The following RGSL1 variants were observed in gnomAD, a reference collection of about 807,000 sequenced individuals.
The protein encoded by RGSL1 is regulator of G protein signaling like 1.
Under a neutral mutation model 124.7 loss-of-function variants are expected in RGSL1, and 97 were observed. The ratio of observed to expected loss-of-function variants is 0.78; its 90% confidence interval spans 0.66 to 0.92. RGSL1 has a LOEUF of 0.92. Ranked by LOEUF, RGSL1 falls within the 40% of genes least tolerant of loss-of-function variation. The pLI, the probability that RGSL1 is intolerant of heterozygous loss-of-function variation, is 0.00. For synonymous variants in RGSL1, 424 were observed against 438.1 expected (o/e 0.97, Z 0.40); for missense variants, 1,233 against 1,288.4 (o/e 0.96, Z 0.66).
chr1:182,547,619 T>C (rs1184479430), intron 15 of RGSL1, among the ~76,000 whole-genome samples: 1 of 152,158 alleles, frequency 6.6e-6, no homozygotes, highest in Non-Finnish European at 1.5e-5. Context: ...CCCAGCACTT[T>C]GGGAGGCCGA....
intron 4 of RGSL1, among the ~76,000 whole-genome samples, chr1:182,468,525 C>T (rs1161988001): frequency 6.6e-6 from 1 of 152,076 alleles, no homozygotes; most frequent in Admixed American, 6.6e-5. Flanking sequence ...GGACAAAAAA[C>T]CAAACACCGC....
Position 182,474,150 on chromosome 1 carries a change from C to T in RGSL1, c.1039C>T (p.Pro347Ser), listed in dbSNP as rs1654086807. The change falls in exon 6 of 22, where the codon CCC becomes TCC. Residue 347 changes from proline to serine, a missense_variant. Pro to Ser is a moderately conservative substitution (Grantham distance 74). Transcript: ENST00000294854. ...CTCTACCCACCTGAGGACTGTCATC[C>T]CCATTGTCAATCACTCCTCCAAGAT... ...KVSTHLRTVIPIVNHSSKMTI... is the reference protein window; with the variant it reads ...KVSTHLRTVISIVNHSSKMTI... 6.4e-7 allele frequency: 1 copy of T among 1,552,034 alleles called. No individual in the cohort carries two copies.
In RGSL1 at chr1:182,532,706, C is replaced by T; in HGVS notation, c.2409C>T (p.Cys803=). 6.4e-7 allele frequency: 1 copy of T among 1,550,894 alleles called. No homozygotes were observed. Among genetic ancestry groups the T allele is most frequent in the Non-Finnish European group, 8.7e-7 (1 of 1,146,420 alleles). ...TGATCAGCTTTATCAGGAGTTTTTG[C>T]AAGTACCGCAGATTTATGTTGAATC... ...MRMISFIRSF[C]KYRRFMLNPS... The change falls in exon 14 of 22, where the codon TGC becomes TGT. Residue 803 remains cysteine (C), a synonymous_variant. Transcript: ENST00000294854.
intron 14 of RGSL1, among the ~76,000 whole-genome samples, chr1:182,535,812 T>C (rs753048404): frequency 1.3e-5 from 2 of 152,186 alleles, no homozygotes; most frequent in Non-Finnish European, 2.9e-5. Flanking sequence ...TACAATTTTA[T>C]ACAGTAAAAT....
Position 182,460,160 on chromosome 1 carries a change from C to CTGTGTG in RGSL1, c.301+47_301+52dup, listed in dbSNP as rs10572829. 5 of 1,430,178 alleles carry CTGTGTG rather than the reference C, an allele frequency of 3.5e-6. No individual in the cohort carries two copies. In the East Asian group the frequency reaches 8.2e-5, roughly 23 times the overall value. 88.6% of individuals were successfully genotyped at this position (1,430,178 alleles called of 1,614,324 possible). ...TAAGCATTGGTGTGCATGCGTGTGT[C>CTGTGTG]TGTGTGTGTGTGTGTGTGTGTGTGT... On this transcript the variant is annotated intron_variant, in intron 4 of 21. Coordinates refer to ENST00000294854, the MANE Select transcript of RGSL1 (RefSeq NM_001137669.2).
rs551187220 is a variant in RGSL1, at chr1:182,536,123, A to G, written c.2494+3332A>G. Among the ~76,000 whole-genome samples, 13 of 152,332 alleles carry G rather than the reference A, an allele frequency of 8.5e-5. No individual in the cohort carries two copies. The East Asian group carries it at 2.5e-3, about 29-fold the overall frequency. On this transcript the variant is annotated intron_variant, in intron 14 of 21. Transcript: ENST00000294854. ...TTGAGATTCGTCTATGCTATTGCAT[A>G]TATCAGTAACTCATTCCTTTTTATT...
At chr1:182,458,428 G>T (rs1314782099) in intron 3 of RGSL1, 35 bp downstream of exon 3, 1 of 1,462,552 alleles carries the variant, frequency 6.8e-7, no homozygotes, top group African/African-American at 1.4e-5. Context: ...AGAGTTTAGG[G>T]TGGAGAATGA....
intron 14 of RGSL1, among the ~76,000 whole-genome samples, chr1:182,535,858 G>A (rs961891132): frequency 5.3e-5 from 8 of 152,092 alleles, no homozygotes; most frequent in Admixed American, 3.3e-4. Flanking sequence ...ATGAATGTAA[G>A]TATCTCTGCC....
At chr1:182,538,611 C>T (rs1305074331) in intron 14 of RGSL1, among the ~76,000 whole-genome samples, 1 of 151,828 alleles carries the variant, frequency 6.6e-6, no homozygotes, top group Non-Finnish European at 1.5e-5. Flanking sequence ...ATATACTACA[C>T]AAAAGCAAAA....
intron 9 of RGSL1, among the ~76,000 whole-genome samples, chr1:182,504,083 C>T (rs149606662): frequency 6.0e-5 from 9 of 150,030 alleles, no homozygotes; most frequent in African/African-American, 2.0e-4. Flanking sequence ...CGGGTTCAAG[C>T]GATTCCCCTG....
intron 4 of RGSL1, chr1:182,460,620 A>G (rs768786158): frequency 6.6e-6 from 3 of 455,522 alleles, no homozygotes; most frequent in South Asian, 1.6e-5. Flanking sequence ...TCTCTTCCTC[A>G]TAGAAGCCAG....
chr1:182,494,499 T>C (rs1262800290), intron 9 of RGSL1, among the ~76,000 whole-genome samples: 1 of 152,222 alleles, frequency 6.6e-6, no homozygotes, highest in Non-Finnish European at 1.5e-5. Context: ...TTTAGCTTTT[T>C]CAATGTGACT....
At chr1:182,518,534 G>A (rs149192954) in intron 9 of RGSL1, among the ~76,000 whole-genome samples, 9 of 152,226 alleles carry the variant, frequency 5.9e-5, no homozygotes, top group African/African-American at 9.6e-5. Context: ...CCACTTACCC[G>A]CTTTGCCTCT....
rs7535533 is a variant in RGSL1, at chr1:182,527,694, A to G, written c.2047A>G (p.Ile683Val). Residue 683 changes from isoleucine to valine, a missense_variant, in exon 11 of 22, where the codon ATA becomes GTA. Transcript: ENST00000294854. ...QFLTAVQKIS[I>V]ETNEKICKSL... ...TCTCACAGCTGTACAGAAGATCAGT[A>G]TAGAGACCAATGAAAAGATTTGCAA... The G allele has an allele frequency of 0.35, 547,254 of 1,550,446 alleles. 98,957 individuals are homozygous for G. Among genetic ancestry groups the G allele is most frequent in the East Asian group, 0.42 (17,339 of 40,886 alleles).
intron 1 of RGSL1, among the ~76,000 whole-genome samples, chr1:182,451,903 T>G (rs1302670390): frequency 6.6e-6 from 1 of 151,508 alleles, no homozygotes; most frequent in Non-Finnish European, 1.5e-5. Flanking sequence ...GAAGACAGAT[T>G]CCAGAGATAG....
At chr1:182,494,060 G>T (rs1471690655) in intron 9 of RGSL1, among the ~76,000 whole-genome samples, 2 of 152,038 alleles carry the variant, frequency 1.3e-5, no homozygotes, top group South Asian at 4.2e-4. Flanking sequence ...TAGCACCTCT[G>T]CTGGTCTTGG....
At chr1:182,554,220 T>C (rs1397375466) in intron 19 of RGSL1, among the ~76,000 whole-genome samples, 1 of 152,208 alleles carries the variant, frequency 6.6e-6, no homozygotes, top group Non-Finnish European at 1.5e-5. Context: ...AATGCCAGCA[T>C]ACCTGACCTG....
intron 5 of RGSL1, 107 bp downstream of exon 5, chr1:182,472,664 C>A: frequency 1.7e-6 from 2 of 1,201,638 alleles, no homozygotes; most frequent in Non-Finnish European, 1.1e-6. Flanking sequence ...TTCTTTCCAT[C>A]TTCTATGTAT....
At chr1:182,470,497 G>C (rs115167232) in intron 4 of RGSL1, among the ~76,000 whole-genome samples, 1 of 151,546 alleles carries the variant, frequency 6.6e-6, no homozygotes, top group Non-Finnish European at 1.5e-5. Flanking sequence ...TGCTCTTTCC[G>C]TAGATACTCA....
Sources: allele counts gnomAD v4.1 joint callset (sites outside exome capture counted in the v4.1 genomes callset), GRCh38; gene constraint gnomAD v4.1.1; transcripts MANE v1.5; gene names NCBI Gene and HGNC (gene_info 2026-07-23, HGNC 2026-07-21).